ERCC4: variants seen among roughly 807,000 people sequenced by gnomAD.
The protein encoded by ERCC4 is DNA repair endonuclease XPF.
In ERCC4, 65 loss-of-function variants were observed where a neutral mutation model predicts 76.9. That is an observed-to-expected ratio of 0.84 (90% CI 0.69 to 1.04). ERCC4 has a LOEUF of 1.04. Among genes scored for constraint, ERCC4 ranks in the 50% least tolerant of loss-of-function variants. The probability of loss-of-function intolerance (pLI) is 0.00; values close to 1 mark genes in which losing one functional copy is unlikely to be tolerated. For missense variants in ERCC4, 1,214 were observed against 1,128.2 expected (o/e 1.08, Z -1.09); for synonymous variants, 463 against 410.1 (o/e 1.13, Z -1.56).
intron 9 of ERCC4, among the ~76,000 whole-genome samples, chr16:13,941,117 C>T (rs1008072027): frequency 6.6e-6 from 1 of 152,200 alleles, no homozygotes; most frequent in African/African-American, 2.4e-5. Context: ...GACTCAGTGA[C>T]AAGATGTGGA....
chr16:13,944,572 T>C, intron 9 of ERCC4, 151 bp from the exon 10 acceptor site: 1 of 654,800 alleles, frequency 1.5e-6, no homozygotes, highest in South Asian at 1.7e-5. Flanking sequence ...TGTCTTGGCA[T>C]ATTTACTTCT....
chr16:13,944,706 A>G lies in ERCC4; in HGVS notation c.1905-17A>G. ...TGAAATTTGTTTCAGAAGTGTTGAC[A>G]ATGTTTTCTCCCACAGGGAAAAAGC... On this transcript the variant is annotated splice_polypyrimidine_tract_variant and intron_variant, in intron 9 of 10. Transcript: ENST00000311895. 3 of 1,543,954 alleles carry G rather than the reference A, an allele frequency of 1.9e-6. No homozygotes were observed. Among genetic ancestry groups the G allele is most frequent in the East Asian group, 2.2e-5 (1 of 44,592 alleles).
chr16:13,926,916 TA>T (rs1207501811), intron 3 of ERCC4, 160 bp downstream of exon 3: 1 of 634,494 alleles, frequency 1.6e-6, no homozygotes, highest in African/African-American at 1.8e-5. Context: ...CATCCAGCTA[TA>T]AATATGTATT....
rs776880848 is a variant in ERCC4, at chr16:13,935,269, C to T, written c.1337C>T (p.Ala446Val). 6.2e-7 allele frequency: 1 copy of T among 1,613,974 alleles called. No homozygotes were observed. Among genetic ancestry groups the T allele is most frequent in the South Asian group, 1.1e-5 (1 of 91,080 alleles). Residue 446 changes from alanine (A) to valine (V), a missense_variant, in exon 8 of 11, where the codon GCT becomes GTT. Physicochemically the swap from Ala to Val is moderately conservative, Grantham distance 64. Coordinates refer to ENST00000311895, the MANE Select transcript of ERCC4 (RefSeq NM_005236.3). ...YRKTFEKDSK[A>V]EEVWMKFRKE... ...AAAACCTTTGAGAAGGATAGCAAAG[C>T]TGAAGAAGTCTGGATGAAATTTAGG... is the stretch of plus-strand genomic sequence containing the variant.
At chr16:13,937,507 A>G (rs1175154608) in intron 8 of ERCC4, among the ~76,000 whole-genome samples, 1 of 152,192 alleles carries the variant, frequency 6.6e-6, no homozygotes, top group East Asian at 1.9e-4. Flanking sequence ...CCCTCTAGTT[A>G]TATTTCAGTG....
In ERCC4 at chr16:13,935,678, C is replaced by G. The variant is rs775278986; in HGVS notation, c.1746C>G (p.Asp582Glu). 1.7e-5 allele frequency: 28 copies of G among 1,613,996 alleles called. No individual in the cohort carries two copies. Among genetic ancestry groups the G allele is most frequent in the Non-Finnish European group, 2.3e-5 (27 of 1,180,024 alleles). Residue 582 changes from aspartate (D) to glutamate (E), a missense_variant, in exon 8 of 11, where the codon GAC becomes GAG. Physicochemically the swap from Asp to Glu is conservative, Grantham distance 45. Coordinates refer to ENST00000311895, the MANE Select transcript of ERCC4 (RefSeq NM_005236.3). ...EVEPRYVVLY[D>E]AELTFVRQLE... ...AGCCAAGATACGTGGTTCTTTATGACGCAGAGCTAACCTTTGTTCGGCAGC... is the reference window on the plus strand; with the variant it reads ...AGCCAAGATACGTGGTTCTTTATGAGGCAGAGCTAACCTTTGTTCGGCAGC...
chr16:13,929,705 C>A (rs986857437), intron 4 of ERCC4, among the ~76,000 whole-genome samples: 7 of 152,192 alleles, frequency 4.6e-5, no homozygotes, highest in South Asian at 2.1e-4. Flanking sequence ...GTGGCTCACG[C>A]CTGTAATCCC....
chr16:13,934,994 T>C, intron 7 of ERCC4, 152 bp from the exon 8 acceptor site: 1 of 670,184 alleles, frequency 1.5e-6, no homozygotes, highest in Non-Finnish European at 2.7e-6. Context: ...ATTTGATCAA[T>C]ACCTAAGACC....
In ERCC4 at chr16:13,947,559, A is replaced by G. The variant is rs3136224; in HGVS notation, c.2018-55A>G. 2,291 of 1,588,842 alleles carry G rather than the reference A, an allele frequency of 1.4e-3. 1 individual carries two copies. Among genetic ancestry groups the G allele is most frequent in the Non-Finnish European group, 1.8e-3 (2,073 of 1,157,250 alleles). ...GAAACATCGATTTTTAGATTTTGTT[A>G]TATTCCTTCTTTGAGAGTTCTTCCC... On this transcript the variant is annotated intron_variant, in intron 10 of 10. Coordinates refer to ENST00000311895, the MANE Select transcript of ERCC4 (RefSeq NM_005236.3).
chr16:13,936,919 T>C (rs1425507257), intron 8 of ERCC4, among the ~76,000 whole-genome samples: 1 of 150,962 alleles, frequency 6.6e-6, no homozygotes. Flanking sequence ...TTCCTTTTTT[T>C]TTTTTTCTTT....
chr16:13,948,140 C>T lies in ERCC4; in HGVS notation c.2544C>T (p.Pro848=), dbSNP rs1392409752. ...AGTCAGAGAAGTATAATCCTGGTCC[C>T]CAAGACTTCTTGTTAAAAATGCCAG... The part of the protein sequence containing the change: ...LPESEKYNPG[P]QDFLLKMPGV... The change falls in exon 11 of 11, where the codon CCC becomes CCT. Residue 848 remains proline (P), a synonymous_variant. Coordinates refer to ENST00000311895, the MANE Select transcript of ERCC4 (RefSeq NM_005236.3). 6.2e-7 allele frequency: 1 copy of T among 1,614,168 alleles called. No individual in the cohort carries two copies. Among genetic ancestry groups the T allele is most frequent in the Admixed American group, 1.7e-5 (1 of 60,020 alleles).
chr16:13,920,409 A>C (rs1325890883), intron 1 of ERCC4, 37 bp downstream of exon 1: 2 of 1,523,366 alleles, frequency 1.3e-6, no homozygotes, highest in Admixed American at 3.9e-5. Flanking sequence ...GGGGACTCCG[A>C]GAGTGTTGAG....
chr16:13,947,661 C>T lies in ERCC4; in HGVS notation c.2065C>T (p.Arg689Cys), dbSNP rs149364215. 10 of 1,614,030 alleles carry T rather than the reference C, an allele frequency of 6.2e-6. No homozygotes were observed. The highest frequency in any genetic ancestry group is 1.3e-5 in the African/African-American group (1 of 74,922). ...ACAGCAAAGCATAGTTGTGGATATGCGTGAATTTCGAAGTGAGCTTCCATC... is the reference window on the plus strand; with the variant it reads ...ACAGCAAAGCATAGTTGTGGATATGTGTGAATTTCGAAGTGAGCTTCCATC... ...GTQQSIVVDM[R>C]EFRSELPSLI... The change falls in exon 11 of 11, where the codon CGT (arginine) becomes TGT (cysteine). Residue 689 changes from arginine (R) to cysteine (C), a missense_variant. Transcript: ENST00000311895.
chr16:13,947,855 G>C lies in ERCC4; in HGVS notation c.2259G>C (p.Lys753Asn), dbSNP rs922325785. 5 of 1,614,032 alleles carry C rather than the reference G, an allele frequency of 3.1e-6. No individual in the cohort carries two copies. In the Admixed American group the frequency reaches 6.7e-5, roughly 22 times the overall value. The change falls in exon 11 of 11, where the codon AAG becomes AAC. Residue 753 changes from lysine to asparagine, a missense_variant. By Grantham distance (94) the Lys-to-Asn change is moderately conservative (BLOSUM62 0). Coordinates refer to ENST00000311895, the MANE Select transcript of ERCC4 (RefSeq NM_005236.3). ...SQCISMSRYY[K>N]RPVLLIEFDP... Reference sequence around the variant, plus strand: ...GCATCTCCATGTCCCGCTACTACAAGCGTCCCGTGCTTCTGATTGAGTTTG... The same window carrying C: ...GCATCTCCATGTCCCGCTACTACAACCGTCCCGTGCTTCTGATTGAGTTTG...
chr16:13,939,187 C>G (rs1290927961), intron 9 of ERCC4, among the ~76,000 whole-genome samples: 1 of 152,288 alleles, frequency 6.6e-6, no homozygotes, highest in African/African-American at 2.4e-5. Flanking sequence ...GCTCTTTGCT[C>G]CTCTCTGTCT....
intron 7 of ERCC4, 43 bp from the exon 8 acceptor site, chr16:13,935,103 A>G (rs779282957): frequency 2.2e-5 from 31 of 1,426,466 alleles, no homozygotes; most frequent in Admixed American, 1.8e-4. Flanking sequence ...AACTAGGAGG[A>G]CAAGTGAGGT....
At chr16:13,929,100 T>A (rs917490839) in intron 4 of ERCC4, among the ~76,000 whole-genome samples, 3 of 152,188 alleles carry the variant, frequency 2.0e-5, no homozygotes, top group Admixed American at 2.0e-4. Flanking sequence ...TTTTTTTAAA[T>A]CCCACACAAT....
chr16:13,937,064 C>T (rs1474514979), intron 8 of ERCC4, among the ~76,000 whole-genome samples: 2 of 150,450 alleles, frequency 1.3e-5, no homozygotes, highest in African/African-American at 2.5e-5. Context: ...GGACTACAGG[C>T]ATGTGCCACC....
At chr16:13,926,491 A>G in intron 2 of ERCC4, 70 bp from the exon 3 acceptor site, 1 of 1,360,934 alleles carries the variant, frequency 7.3e-7, no homozygotes, top group Non-Finnish European at 1.1e-6. Context: ...TAAGTACTTA[A>G]GAAAAATGTG....
Sources: allele counts gnomAD v4.1 joint callset (sites outside exome capture counted in the v4.1 genomes callset), GRCh38; gene constraint gnomAD v4.1.1; transcripts MANE v1.5; gene names NCBI Gene and HGNC (gene_info 2026-07-23, HGNC 2026-07-21).